Variants in PCDHA13 observed in about 807,000 individuals in gnomAD.
The protein encoded by PCDHA13 is protocadherin alpha-13.
PCDHA13 carries 54 observed loss-of-function variants against 64.8 expected under a neutral mutation model. The observed-to-expected ratio is 0.83, with a 90% CI of 0.67 to 1.04. PCDHA13 has a LOEUF of 1.04. Ranked by LOEUF, PCDHA13 falls within the 50% of genes least tolerant of loss-of-function variation. The probability of loss-of-function intolerance (pLI) is 0.00; values close to 1 mark genes in which losing one functional copy is unlikely to be tolerated. For missense variants in PCDHA13, 1,248 were observed against 1,254.3 expected (o/e 0.99, Z 0.08); for synonymous variants, 587 against 564.4 (o/e 1.04, Z -0.57).
At chr5:140,935,127 T>C (rs1223390448) in intron 1 of PCDHA13, among the ~76,000 whole-genome samples, 1 of 152,170 alleles carries the variant, frequency 6.6e-6, no homozygotes, top group Non-Finnish European at 1.5e-5. Flanking sequence ...TTATTTTTAG[T>C]GAAAGATGAT....
rs1554202548 is a variant in PCDHA13 at position 140,925,108 on chromosome 5, G to GGAAGGAAGGAAGGAAGGAAGGAAGGAA, written c.2394+40447_2394+40448insAAGGAAGGAAGGAAGGAAGGAAGGAAG. On this transcript the variant is annotated intron_variant, in intron 1 of 3. Transcript: ENST00000289272. ...AAGGAAGGAAGGAAGGAAGGAAGGA[G>GGAAGGAAGGAAGGAAGGAAGGAAGGAA]GGAAGGAAGGAAGGAAAAAAAATTT... Among the ~76,000 whole-genome samples, 52 of 124,778 alleles carry GGAAGGAAGGAAGGAAGGAAGGAAGGAA rather than the reference G, an allele frequency of 4.2e-4. No individual in the cohort carries two copies. The Middle Eastern group carries it at 0.013, about 31-fold the overall frequency. The allele number at this position is 124,778 out of a possible 152,430, so 81.9% of individuals were successfully genotyped here. A position where few individuals can be genotyped will look rare whatever the true frequency, so the allele number is the denominator to read the frequency against.
At chr5:140,921,856 GTA>G (rs1295273364) in intron 1 of PCDHA13, among the ~76,000 whole-genome samples, 4 of 151,824 alleles carry the variant, frequency 2.6e-5, no homozygotes, top group Non-Finnish European at 5.9e-5. Flanking sequence ...AGATGTGTGT[GTA>G]TATATACAGT....
intron 1 of PCDHA13, chr5:140,928,370 C>T (rs2085193734): frequency 6.2e-7 from 1 of 1,614,062 alleles, no homozygotes; most frequent in South Asian, 1.1e-5. Context: ...GAAGGGCCAT[C>T]AGCCTCTAGC....
intron 1 of PCDHA13, among the ~76,000 whole-genome samples, chr5:140,912,002 A>G (rs1452427916): frequency 6.6e-6 from 1 of 152,236 alleles, no homozygotes; most frequent in Admixed American, 6.5e-5. Context: ...ACAATAGGCC[A>G]TCTGCAAGCT....
chr5:141,011,435 T>C lies in PCDHA13; in HGVS notation c.*1498T>C, dbSNP rs781837801. ...TGTGAATGTTAATGCAACTATTACC[T>C]AGAGTGAACTTTAAGCTTTATTGTT... On this transcript the variant is annotated 3_prime_UTR_variant, in exon 4 of 4. Coordinates refer to ENST00000289272, the MANE Select transcript of PCDHA13 (RefSeq NM_018904.3). 3 of 153,818 alleles carry C rather than the reference T, an allele frequency of 2.0e-5. No individual in the cohort carries two copies. The highest frequency in any genetic ancestry group is 4.4e-5 in the Non-Finnish European group (3 of 68,050). The allele number at this position is 153,818 out of a possible 1,614,324, so 9.5% of individuals were successfully genotyped here.
At chr5:140,971,376 C>CT (rs1334633165) in intron 1 of PCDHA13, among the ~76,000 whole-genome samples, 1 of 152,164 alleles carries the variant, frequency 6.6e-6, no homozygotes, top group Non-Finnish European at 1.5e-5. Context: ...GAGTGCATGA[C>CT]TTTAATAAAG....
intron 1 of PCDHA13, among the ~76,000 whole-genome samples, chr5:140,975,016 G>C (rs782435284): frequency 6.6e-6 from 1 of 152,128 alleles, no homozygotes; most frequent in Non-Finnish European, 1.5e-5. Context: ...AACACAGCTG[G>C]GCTGTGTTGT....
chr5:140,985,895 A>G (rs782549334), intron 3 of PCDHA13, among the ~76,000 whole-genome samples: 16 of 150,016 alleles, frequency 1.1e-4, no homozygotes, highest in Non-Finnish European at 1.5e-4. Flanking sequence ...GCCCGCCACC[A>G]CTCCCGTCTA....
intron 1 of PCDHA13, among the ~76,000 whole-genome samples, chr5:140,921,337 C>T (rs1339756681): frequency 6.6e-6 from 1 of 152,082 alleles, no homozygotes; most frequent in Non-Finnish European, 1.5e-5. Flanking sequence ...GGTCCAATCA[C>T]ATAATATATT....
At chr5:140,941,412 G>A (rs246068) in intron 1 of PCDHA13, among the ~76,000 whole-genome samples, 46,949 of 148,492 alleles carry the variant, frequency 0.32, 7,794 homozygotes, top group East Asian at 0.53. Context: ...CGCCTCCCGG[G>A]TTCAAGCAAT....
chr5:140,882,449 C>T lies in PCDHA13; in HGVS notation c.181C>T (p.Pro61Ser), dbSNP rs782741434. The change falls in exon 1 of 4, where the codon CCG becomes TCG. Residue 61 changes from proline to serine, a missense_variant. Physicochemically the swap from Pro to Ser is moderately conservative, Grantham distance 74. Transcript: ENST00000289272. Reference protein sequence around the residue: ...DLGLELAELVPRLFRVASKRH... With the variant: ...DLGLELAELVSRLFRVASKRH... Reference sequence around the variant, plus strand: ...GGGGCTGGAGCTGGCGGAGCTGGTGCCGCGCCTGTTCCGGGTGGCGTCCAA... The same window carrying T: ...GGGGCTGGAGCTGGCGGAGCTGGTGTCGCGCCTGTTCCGGGTGGCGTCCAA... 1 of 1,614,022 alleles carries T rather than the reference C, an allele frequency of 6.2e-7. No homozygotes were observed. The highest frequency in any genetic ancestry group is 1.7e-5 in the Admixed American group (1 of 60,030).
At chr5:140,909,484 G>A (rs981292788) in intron 1 of PCDHA13, among the ~76,000 whole-genome samples, 1 of 152,180 alleles carries the variant, frequency 6.6e-6, no homozygotes, top group African/African-American at 2.4e-5. Context: ...CTAAATAGGA[G>A]AGCTGAACGG....
chr5:140,972,294 C>T (rs944183626), intron 1 of PCDHA13, among the ~76,000 whole-genome samples: 14 of 151,458 alleles, frequency 9.2e-5, no homozygotes, highest in South Asian at 2.1e-4. Context: ...TGTGCGCCAC[C>T]GTGTCTGACT....
At chr5:140,902,615 G>A in intron 1 of PCDHA13, among the ~76,000 whole-genome samples, 1 of 152,010 alleles carries the variant, frequency 6.6e-6, no homozygotes, top group East Asian at 1.9e-4. Context: ...AGTTACATGG[G>A]TAAGTTATTT....
At chr5:140,955,126 G>T (rs947007538) in intron 1 of PCDHA13, among the ~76,000 whole-genome samples, 6 of 152,110 alleles carry the variant, frequency 3.9e-5, no homozygotes, top group African/African-American at 1.4e-4. Flanking sequence ...CTGTTCCACT[G>T]GTCTACACGT....
At chr5:140,982,273 A>G (rs1554243953) in intron 2 of PCDHA13, 2 of 943,086 alleles carry the variant, frequency 2.1e-6, no homozygotes, top group Non-Finnish European at 3.0e-6. Context: ...CTGGAATAGT[A>G]TAGCAGGCAA....
chr5:140,993,281 C>T (rs2097548459), intron 3 of PCDHA13, among the ~76,000 whole-genome samples: 1 of 152,102 alleles, frequency 6.6e-6, no homozygotes. Flanking sequence ...TCTTTTCTTG[C>T]CCAGGGTCAC....
chr5:140,970,078 A>G (rs1260486106), intron 1 of PCDHA13, among the ~76,000 whole-genome samples: 2 of 152,124 alleles, frequency 1.3e-5, no homozygotes, highest in African/African-American at 4.8e-5. Context: ...TGAGTGGATT[A>G]GGGGTGTGGG....
chr5:140,996,630 A>G (rs765477034), intron 3 of PCDHA13, among the ~76,000 whole-genome samples: 10 of 152,210 alleles, frequency 6.6e-5, no homozygotes, highest in Non-Finnish European at 1.5e-4. Flanking sequence ...TGGTTCCTGC[A>G]AATTATGTAG....
Sources: gnomAD v4.1 joint callset for allele counts (sites outside exome capture counted in the v4.1 genomes callset) on GRCh38, gnomAD v4.1.1 for gene constraint, MANE v1.5 for transcripts, NCBI Gene and HGNC (gene_info 2026-07-23, HGNC 2026-07-21) for gene names.